WASHC4: variants seen among roughly 807,000 people sequenced by gnomAD.
WASHC4 encodes the protein WASH complex subunit 4.
A neutral mutation model predicts 166.6 loss-of-function variants in WASHC4; 86 were observed. The ratio of observed to expected loss-of-function variants is 0.52; its 90% CI spans 0.43 to 0.62. The LOEUF (loss-of-function observed/expected upper bound fraction) is 0.62. WASHC4 is among the 20% of genes least tolerant of loss of function. The probability of loss-of-function intolerance (pLI) is 0.00; values close to 1 mark genes in which losing one functional copy is unlikely to be tolerated. For missense variants in WASHC4, 1,262 were observed against 1,382.4 expected, an observed-to-expected ratio of 0.91 and a Z score of 1.38; for synonymous variants, 446 against 451.6, an observed-to-expected ratio of 0.99 and a Z score of 0.16.
chr12:105,113,123 G>A (rs1310286582), intron 2 of WASHC4, among the ~76,000 whole-genome samples: 1 of 151,984 alleles, frequency 6.6e-6, no homozygotes, highest in Non-Finnish European at 1.5e-5. Context: ...ATCATTGTAT[G>A]TAAGTTATAG....
rs139634101 is a variant in WASHC4, at chr12:105,145,965, CT to C, written c.2335-485del. 1.2e-3 allele frequency among the ~76,000 whole-genome samples: 188 copies of C among 152,228 alleles called. 7 individuals carry two copies. In the East Asian group the frequency reaches 0.032, roughly 26 times the overall value. On this transcript the variant is annotated intron_variant, in intron 22 of 32. Coordinates refer to ENST00000332180, the MANE Select transcript of WASHC4 (RefSeq NM_015275.3). ...CTAGCTATTTTGCCTCAGAGAACAACTTCCTTAGCTTCTTTTTTGTCACCTG... is the reference window on the plus strand; with the variant it reads ...CTAGCTATTTTGCCTCAGAGAACAACTCCTTAGCTTCTTTTTTGTCACCTG...
intron 2 of WASHC4, among the ~76,000 whole-genome samples, chr12:105,113,838 A>T (rs1879916525): frequency 6.6e-6 from 1 of 152,018 alleles, no homozygotes; most frequent in Admixed American, 6.6e-5. Flanking sequence ...TTGACCCTTT[A>T]GCTACAATAT....
At chr12:105,143,358 G>T in intron 20 of WASHC4, 115 bp downstream of exon 20, 1 of 661,770 alleles carries the variant, frequency 1.5e-6, no homozygotes, top group Non-Finnish European at 2.7e-6. Flanking sequence ...AAATTGCTGG[G>T]TAGAACAAAG....
intron 9 of WASHC4, among the ~76,000 whole-genome samples, chr12:105,121,894 G>A (rs1372582271): frequency 6.6e-6 from 1 of 152,020 alleles, no homozygotes; most frequent in Admixed American, 6.5e-5. Flanking sequence ...CATGTTCTGA[G>A]TACTTATTAA....
At chr12:105,149,968 A>C (rs1883605373) in intron 25 of WASHC4, among the ~76,000 whole-genome samples, 1 of 152,230 alleles carries the variant, frequency 6.6e-6, no homozygotes, top group Non-Finnish European at 1.5e-5. Flanking sequence ...ATATAAAAGC[A>C]GGACATGCTT....
intron 13 of WASHC4, among the ~76,000 whole-genome samples, chr12:105,132,594 C>T (rs1342314492): frequency 6.6e-6 from 1 of 152,132 alleles, no homozygotes; most frequent in Non-Finnish European, 1.5e-5. Flanking sequence ...GTAATCATCC[C>T]GAATAGTAGA....
At chr12:105,151,525 A>C (rs914174491) in intron 25 of WASHC4, among the ~76,000 whole-genome samples, 1 of 151,630 alleles carries the variant, frequency 6.6e-6, no homozygotes, top group Non-Finnish European at 1.5e-5. Context: ...TCTGTCTCCC[A>C]GGCTGGAGTG....
In WASHC4 at chr12:105,168,603, C is replaced by T. The variant is rs529403425; in HGVS notation, c.*1672C>T. The T allele has an allele frequency of 6.6e-6, 1 of 151,986 alleles. No individual in the cohort carries two copies. The highest frequency in any genetic ancestry group is 2.4e-5 in the African/African-American group (1 of 41,372). 9.4% of individuals were successfully genotyped at this position (151,986 alleles called of 1,614,324 possible). On this transcript the variant is annotated 3_prime_UTR_variant, in exon 33 of 33. Coordinates refer to ENST00000332180, the MANE Select transcript of WASHC4 (RefSeq NM_015275.3). ...GAATCACATGTTCTGTGTTCATTAT[C>T]CCTACACATGTAAATTAATTATTTT...
intron 30 of WASHC4, among the ~76,000 whole-genome samples, 153 bp downstream of exon 30, chr12:105,162,998 CTG>C (rs1341452982): frequency 6.6e-6 from 1 of 152,138 alleles, no homozygotes; most frequent in African/African-American, 2.4e-5. Flanking sequence ...TCGTCTCGCT[CTG>C]TTGCCCAGGC....
At chr12:105,151,499 T>G (rs998412330) in intron 25 of WASHC4, among the ~76,000 whole-genome samples, 4 of 152,050 alleles carry the variant, frequency 2.6e-5, no homozygotes, top group Admixed American at 2.6e-4. Flanking sequence ...TTTTTTTTTT[T>G]GAGACTGAGT....
In WASHC4 at chr12:105,144,452, C is replaced by T. The variant is rs1277016005; in HGVS notation, c.2176C>T (p.Arg726Trp). Residue 726 changes from arginine (R) to tryptophan (W), a missense_variant, in exon 21 of 33, where the codon CGG becomes TGG. Coordinates refer to ENST00000332180, the MANE Select transcript of WASHC4 (RefSeq NM_015275.3). ...GTTTTTCAATCGTTTCATTGACATTCGGGGTGAGTGTTTTGCTTTCCTTCT... is the reference window on the plus strand; with the variant it reads ...GTTTTTCAATCGTTTCATTGACATTTGGGGTGAGTGTTTTGCTTTCCTTCT... ...IRFFNRFIDI[R>W]AYVTHYLDKT... 5 of 1,606,946 alleles carry T rather than the reference C, an allele frequency of 3.1e-6. No homozygotes were observed. The highest frequency in any genetic ancestry group is 2.2e-5 in the East Asian group (1 of 44,728).
chr12:105,154,799 G>A (rs1280240988), intron 26 of WASHC4, among the ~76,000 whole-genome samples: 3 of 152,230 alleles, frequency 2.0e-5, no homozygotes, highest in South Asian at 2.1e-4. Context: ...CTTAATTGCC[G>A]CTCTATACTA....
intron 24 of WASHC4, chr12:105,147,632 G>A (rs1183402716): frequency 1.0e-5 from 10 of 991,672 alleles, no homozygotes; most frequent in East Asian, 1.0e-4. Flanking sequence ...ACCGCTTGGC[G>A]TGGTGGCTCA....
At chr12:105,134,573 T>G (rs1882142898) in intron 14 of WASHC4, among the ~76,000 whole-genome samples, 2 of 152,128 alleles carry the variant, frequency 1.3e-5, no homozygotes, top group African/African-American at 4.8e-5. Flanking sequence ...CTTTTCTTGT[T>G]AAGAAATATT....
intron 22 of WASHC4, 127 bp from the exon 23 acceptor site, chr12:105,146,325 T>C: frequency 1.5e-6 from 1 of 668,442 alleles, no homozygotes; most frequent in Non-Finnish European, 2.7e-6. Flanking sequence ...GTACCTTTTA[T>C]ATAGTTCTTT....
In WASHC4 at chr12:105,162,855, A is replaced by G; in HGVS notation, c.3157+10A>G. ...GATGGCTTTGCCATGGGTAAGCTTA[A>G]TGGAATTGTTTTTCCATTAATTTTA... On this transcript the variant is annotated intron_variant, in intron 30 of 32. Coordinates refer to ENST00000332180, the MANE Select transcript of WASHC4 (RefSeq NM_015275.3). 2.1e-6 allele frequency: 3 copies of G among 1,453,252 alleles called. No homozygotes were observed. Among genetic ancestry groups the G allele is most frequent in the African/African-American group, 1.4e-5 (1 of 71,436 alleles). The allele number at this position is 1,453,252 out of a possible 1,614,324, so 90.0% of individuals were successfully genotyped here.
At chr12:105,140,244 C>A (rs374648898) in intron 15 of WASHC4, 50 bp from the exon 16 acceptor site, 8 of 1,320,602 alleles carry the variant, frequency 6.1e-6, no homozygotes, top group Admixed American at 1.7e-5. Flanking sequence ...TATAATTTTG[C>A]CTGAAATTTT....
intron 6 of WASHC4, 151 bp downstream of exon 6, chr12:105,115,879 C>A (rs894062836): frequency 1.6e-6 from 1 of 628,334 alleles, no homozygotes; most frequent in Non-Finnish European, 2.9e-6. Context: ...TTTAGGAGAT[C>A]ATAACTCCTA....
Position 105,140,326 on chromosome 12 carries a change from G to T in WASHC4, c.1485G>T (p.Met495Ile). Residue 495 changes from methionine (M) to isoleucine (I), a missense_variant, in exon 16 of 33, where the codon ATG becomes ATT. By Grantham distance (10) the Met-to-Ile change is conservative. Coordinates refer to ENST00000332180, the MANE Select transcript of WASHC4 (RefSeq NM_015275.3). ...AGCATATGTTCTACAGGAGAAGCAT[G>T]GTTGTGGCTGATTCAGTTTCACATA... ...AIEHMFYRRSMVVADSVSHIT... is the reference protein window; with the variant it reads ...AIEHMFYRRSIVVADSVSHIT... 9 of 1,613,592 alleles carry T rather than the reference G, an allele frequency of 5.6e-6. No homozygotes were observed. The highest frequency in any genetic ancestry group is 7.6e-6 in the Non-Finnish European group (9 of 1,179,544).
Sources: gnomAD v4.1 joint callset for allele counts (sites outside exome capture counted in the v4.1 genomes callset) on GRCh38, gnomAD v4.1.1 for gene constraint, MANE v1.5 for transcripts, NCBI Gene and HGNC (gene_info 2026-07-23, HGNC 2026-07-21) for gene names.